The following ZFYVE1 variants were observed in gnomAD, a reference collection of about 807,000 sequenced individuals.
ZFYVE1 encodes the protein zinc finger FYVE-type containing 1.
ZFYVE1 carries 30 observed loss-of-function variants against 74.4 expected under a neutral mutation model. The ratio of observed to expected loss-of-function variants is 0.40; its 90% CI spans 0.30 to 0.55. The LOEUF is 0.55. ZFYVE1 is among the 20% of genes least tolerant of loss of function. The pLI is 0.42. For synonymous variants in ZFYVE1, 335 were observed against 385.1 expected, an observed-to-expected ratio of 0.87 and a Z score of 1.52; for missense variants, 703 against 1,011.6, an observed-to-expected ratio of 0.69 and a Z score of 4.14.
chr14:72,990,764 G>T (rs1218763095), intron 4 of ZFYVE1, among the ~76,000 whole-genome samples: 3 of 126,732 alleles, frequency 2.4e-5, no homozygotes, highest in Non-Finnish European at 4.7e-5. Flanking sequence ...GTGGCGCACT[G>T]TACTCGGCCC....
chr14:73,002,435 T>TTTTTGG (rs1369833759), intron 2 of ZFYVE1, among the ~76,000 whole-genome samples: 2 of 145,344 alleles, frequency 1.4e-5, no homozygotes, highest in Non-Finnish European at 3.0e-5. Context: ...CTCAATACAG[T>TTTTTGG]TTTTGGTTTT....
chr14:73,017,942 C>CG (rs1184146306), intron 2 of ZFYVE1, among the ~76,000 whole-genome samples: 1 of 152,202 alleles, frequency 6.6e-6, no homozygotes, highest in Non-Finnish European at 1.5e-5. Flanking sequence ...CTTCTACAGC[C>CG]TGCACGGCCT....
At chr14:72,983,658 A>C (rs1174192524) in intron 4 of ZFYVE1, among the ~76,000 whole-genome samples, 2 of 152,068 alleles carry the variant, frequency 1.3e-5, no homozygotes, top group African/African-American at 2.4e-5. Flanking sequence ...GCCGCAATAA[A>C]CATACGTGTG....
In ZFYVE1 at chr14:72,969,835, A is replaced by G; in HGVS notation, c.*1047T>C. The G allele has an allele frequency of 1.5e-6, 1 of 672,710 alleles. No homozygotes were observed. The highest frequency in any genetic ancestry group is 2.7e-6 in the Non-Finnish European group (1 of 375,052). The allele number at this position is 672,710 out of a possible 1,614,324, so 41.7% of individuals were successfully genotyped here. ...TAAATTTTTTCTTTACGATCTGTTG[A>G]AATATTTATATAGACTTTTAAAAAC... On this transcript the variant is annotated 3_prime_UTR_variant, in exon 12 of 12. Coordinates refer to ENST00000556143, the MANE Select transcript of ZFYVE1 (RefSeq NM_021260.4).
rs1893788779 is a variant in ZFYVE1, at chr14:72,998,063, G to C, written c.736C>G (p.Leu246Val). The C allele has an allele frequency of 6.2e-7, 1 of 1,614,026 alleles. No individual in the cohort carries two copies. The highest frequency in any genetic ancestry group is 1.1e-5 in the South Asian group (1 of 91,086). The change falls in exon 3 of 12, where the codon CTA becomes GTA. Residue 246 changes from leucine to valine, a missense_variant. Leu to Val is a conservative substitution (Grantham distance 32, BLOSUM62 1). Transcript: ENST00000556143. ...AGCAGCAGCCGTGTTCTCTGGCTTA[G>C]ATTCACGGTGGCCCCCAGGAGCCCT... ...TEGLLGATVN[L>V]SQRTRLLLKV... is the part of the protein sequence containing the mutation.
At chr14:73,016,648 G>A (rs1338678944) in intron 2 of ZFYVE1, among the ~76,000 whole-genome samples, 6 of 151,750 alleles carry the variant, frequency 4.0e-5, no homozygotes, top group African/African-American at 1.2e-4. Context: ...TTGGGAGGCC[G>A]AGGCTGGTGG....
intron 6 of ZFYVE1, 117 bp from the exon 7 acceptor site, chr14:72,978,351 G>C (rs1010399034): frequency 5.6e-6 from 5 of 894,936 alleles, no homozygotes; most frequent in African/African-American, 5.0e-5. Context: ...CAATCTGCCC[G>C]ATCTCAGGAG....
At chr14:72,990,133 TTTTAA>T (rs1893573644) in intron 4 of ZFYVE1, among the ~76,000 whole-genome samples, 1 of 152,236 alleles carries the variant, frequency 6.6e-6, no homozygotes, top group Non-Finnish European at 1.5e-5. Flanking sequence ...AATTAAGCAT[TTTTAA>T]TTTAAAGGAT....
At chr14:72,992,626 C>CA (rs1456378680) in intron 4 of ZFYVE1, among the ~76,000 whole-genome samples, 5 of 108,992 alleles carry the variant, frequency 4.6e-5, no homozygotes, top group African/African-American at 1.6e-4. Context: ...CCCCCCCCGC[C>CA]CCTTGCAAGA....
At chr14:72,997,398 A>G (rs1893773239) in intron 3 of ZFYVE1, among the ~76,000 whole-genome samples, 1 of 151,912 alleles carries the variant, frequency 6.6e-6, no homozygotes, top group Non-Finnish European at 1.5e-5. Flanking sequence ...TAGCCTCACT[A>G]TGTTGCCCAG....
rs1892973868 is a variant in ZFYVE1 at position 72,969,534 on chromosome 14, G to A, written c.*1348C>T. ...CCAGTCACTGGACCCCAGGAGGCAGGAGGAGCAGGGCTGAGAGGGACGACA... is the reference window on the plus strand; with the variant it reads ...CCAGTCACTGGACCCCAGGAGGCAGAAGGAGCAGGGCTGAGAGGGACGACA... On this transcript the variant is annotated 3_prime_UTR_variant, in exon 12 of 12. Transcript: ENST00000556143. The A allele has an allele frequency of 5.0e-6, 3 of 598,996 alleles. No individual in the cohort carries two copies. The highest frequency in any genetic ancestry group is 8.9e-6 in the Non-Finnish European group (3 of 337,614). 37.1% of individuals were successfully genotyped at this position (598,996 alleles called of 1,614,324 possible). A position where few individuals can be genotyped will look rare whatever the true frequency, so the allele number is the denominator to read the frequency against.
chr14:72,997,810 C>A lies in ZFYVE1; in HGVS notation c.988+1G>T. On this transcript the variant is annotated splice_donor_variant, in intron 3 of 11. Coordinates refer to ENST00000556143, the MANE Select transcript of ZFYVE1 (RefSeq NM_021260.4). LOFTEE classifies it high-confidence loss of function. Reference sequence around the variant, plus strand: ...CTGTGACACTGTACCCCATCTCTCACCAGAGCCCAGTAGCTGGGTGTGCAC... The same window carrying A: ...CTGTGACACTGTACCCCATCTCTCAACAGAGCCCAGTAGCTGGGTGTGCAC... 1 of 1,581,860 alleles carries A rather than the reference C, an allele frequency of 6.3e-7. No homozygotes were observed. Among genetic ancestry groups the A allele is most frequent in the Non-Finnish European group, 8.6e-7 (1 of 1,158,042 alleles).
intron 4 of ZFYVE1, among the ~76,000 whole-genome samples, chr14:72,984,942 G>T (rs1382927955): frequency 6.6e-6 from 1 of 152,188 alleles, no homozygotes; most frequent in Non-Finnish European, 1.5e-5. Context: ...AGCTAGAACT[G>T]CTGGAATAAG....
chr14:73,015,530 T>TGCC (rs1894184695), intron 2 of ZFYVE1, among the ~76,000 whole-genome samples: 1 of 152,016 alleles, frequency 6.6e-6, no homozygotes, highest in Non-Finnish European at 1.5e-5. Flanking sequence ...TAGCTGGGAC[T>TGCC]ACAGGTGCCT....
At chr14:72,988,338 C>T (rs1267080947) in intron 4 of ZFYVE1, among the ~76,000 whole-genome samples, 1 of 151,854 alleles carries the variant, frequency 6.6e-6, no homozygotes, top group Non-Finnish European at 1.5e-5. Flanking sequence ...TCACGGCTGG[C>T]TAATTTTTGT....
intron 10 of ZFYVE1, 70 bp from the exon 11 acceptor site, chr14:72,974,263 T>C (rs902628364): frequency 7.1e-6 from 10 of 1,403,680 alleles, no homozygotes; most frequent in Non-Finnish European, 1.0e-5. Flanking sequence ...CAGGGACCAA[T>C]AGCAGAACGC....
chr14:72,982,355 C>T (rs1893356510), intron 4 of ZFYVE1, among the ~76,000 whole-genome samples: 3 of 150,710 alleles, frequency 2.0e-5, no homozygotes, highest in Admixed American at 2.0e-4. Flanking sequence ...TTTACTAGAC[C>T]ATAGACAAAC....
At position 72,970,827 on chromosome 14, in the gene ZFYVE1, G is replaced by A; in HGVS notation, c.*55C>T. On this transcript the variant is annotated 3_prime_UTR_variant, in exon 12 of 12. Transcript: ENST00000556143. ...GGAGGAGGGCCTACCTCGCAAGACT[G>A]TTTCTAACCCTGAGAACCTAAGGAA... The A allele has an allele frequency of 6.3e-7, 1 of 1,583,934 alleles. No homozygotes were observed. Among genetic ancestry groups the A allele is most frequent in the Non-Finnish European group, 8.6e-7 (1 of 1,158,808 alleles).
At chr14:73,002,323 C>A (rs576876735) in intron 2 of ZFYVE1, among the ~76,000 whole-genome samples, 1 of 152,242 alleles carries the variant, frequency 6.6e-6, no homozygotes, top group East Asian at 1.9e-4. Flanking sequence ...TGAAAATATT[C>A]CAGAATTAGA....
Sources: gnomAD v4.1 joint callset for allele counts (sites outside exome capture counted in the v4.1 genomes callset) on GRCh38, gnomAD v4.1.1 for gene constraint, MANE v1.5 for transcripts, NCBI Gene and HGNC (gene_info 2026-07-23, HGNC 2026-07-21) for gene names.